Variants in FYB1 observed in about 807,000 individuals in gnomAD.
FYB1 encodes FYN binding protein 1.
Under a neutral mutation model 94.1 loss-of-function variants are expected in FYB1, and 41 were observed. The observed-to-expected ratio is 0.44, with a 90% CI of 0.34 to 0.57. The LOEUF is 0.57. FYB1 is among the 20% of genes least tolerant of loss of function. FYB1 has a pLI of 0.02. For synonymous variants in FYB1, 367 were observed against 353.2 expected (o/e 1.04, Z -0.44); for missense variants, 1,050 against 976.8 (o/e 1.07, Z -1.00).
intron 11 of FYB1, 47 bp downstream of exon 11, chr5:39,127,694 A>C (rs376001457): frequency 4.0e-6 from 6 of 1,510,552 alleles, no homozygotes; most frequent in Non-Finnish European, 5.3e-6. Context: ...CTAAATTTCA[A>C]TGTATATATA....
At chr5:39,147,697 CTTTTTTT>C (rs548956747) in intron 3 of FYB1, among the ~76,000 whole-genome samples, 1 of 125,466 alleles carries the variant, frequency 8.0e-6, no homozygotes, top group African/African-American at 2.9e-5. Flanking sequence ...TCCACCTTGT[CTTTTTTT>C]TTTTTTTTTT....
chr5:39,238,971 A>G (rs959089009), intron 1 of FYB1, among the ~76,000 whole-genome samples: 6 of 152,060 alleles, frequency 3.9e-5, no homozygotes, highest in African/African-American at 1.4e-4. Flanking sequence ...GTGTAAGTGG[A>G]TCACTCTAAA....
chr5:39,130,802 A>G (rs993211174), intron 9 of FYB1, among the ~76,000 whole-genome samples, 190 bp from the exon 10 acceptor site: 13 of 152,142 alleles, frequency 8.5e-5, no homozygotes, highest in Non-Finnish European at 1.0e-4. Context: ...CAACAAAACA[A>G]AACAAATAAA....
intron 6 of FYB1, 147 bp from the exon 7 acceptor site, chr5:39,137,867 A>C (rs1472540999): frequency 4.1e-6 from 4 of 980,692 alleles, no homozygotes; most frequent in Non-Finnish European, 4.4e-6. Flanking sequence ...AAAATCCGGA[A>C]TGTGTGAGAT....
At chr5:39,147,117 C>T (rs906828306) in intron 3 of FYB1, among the ~76,000 whole-genome samples, 3 of 152,092 alleles carry the variant, frequency 2.0e-5, no homozygotes, top group African/African-American at 7.2e-5. Context: ...TAGGTCTATT[C>T]AATAAGGCCT....
chr5:39,236,164 G>A (rs908266011), intron 1 of FYB1, among the ~76,000 whole-genome samples: 4 of 151,298 alleles, frequency 2.6e-5, no homozygotes, highest in East Asian at 3.9e-4. Flanking sequence ...AGGCTCAAAC[G>A]TGGGTTAATG....
In FYB1 at chr5:39,126,065, C is replaced by G. The variant is rs1242522816; in HGVS notation, c.1978G>C (p.Asp660His). The change falls in exon 12 of 19, where the codon GAT becomes CAT. Residue 660 changes from aspartate to histidine, a missense_variant. Coordinates refer to ENST00000512982, the MANE Select transcript of FYB1 (RefSeq NM_001465.6). ...TCTCGTATACTTTTCTTTCTGTCAT[C>G]TTTTCCCTTTAACATCTTCAAAATC... is the stretch of plus-strand genomic sequence containing the variant. ...WGILKMLKGK[D>H]DRKKSIREKP... 1 of 1,613,478 alleles carries G rather than the reference C, an allele frequency of 6.2e-7. No homozygotes were observed. Among genetic ancestry groups the G allele is most frequent in the Non-Finnish European group, 8.5e-7 (1 of 1,179,606 alleles).
chr5:39,220,251 TA>T (rs201358486), upstream of FYB1, among the ~76,000 whole-genome samples: 145 of 147,222 alleles, frequency 9.8e-4, no homozygotes, highest in African/African-American at 3.1e-3. Flanking sequence ...TCTACAAAAA[TA>T]AAAAAAAAAT....
intron 2 of FYB1, among the ~76,000 whole-genome samples, chr5:39,154,618 T>C (rs1199171201): frequency 6.6e-6 from 1 of 152,026 alleles, no homozygotes; most frequent in African/African-American, 2.4e-5. Flanking sequence ...GTGATTCTCC[T>C]GCCTCAGCCT....
chr5:39,250,399 G>A (rs1751665465), intron 1 of FYB1, among the ~76,000 whole-genome samples: 1 of 152,108 alleles, frequency 6.6e-6, no homozygotes, highest in African/African-American at 2.4e-5. Context: ...CAGAAATCGA[G>A]GAAAGACTAT....
chr5:39,263,289 G>T (rs1186933235), intron 1 of FYB1, among the ~76,000 whole-genome samples: 1 of 152,124 alleles, frequency 6.6e-6, no homozygotes, highest in African/African-American at 2.4e-5. Flanking sequence ...CCTCCTAGAT[G>T]CACTGATGTG....
chr5:39,151,782 G>A (rs1743274445), intron 3 of FYB1, among the ~76,000 whole-genome samples: 1 of 152,172 alleles, frequency 6.6e-6, no homozygotes, highest in Admixed American at 6.5e-5. Context: ...AGGGAGGAAC[G>A]TTTGCAGGTT....
intron 1 of FYB1, among the ~76,000 whole-genome samples, chr5:39,270,104 A>G (rs1333064009): frequency 1.3e-5 from 2 of 152,124 alleles, no homozygotes; most frequent in Non-Finnish European, 2.9e-5. Flanking sequence ...GCGTCTCTTA[A>G]TTAAAATAAA....
At position 39,127,743 on chromosome 5, in the gene FYB1, A is replaced by G. The variant is rs372627463; in HGVS notation, c.1905T>C (p.Asp635=). The change falls in exon 11 of 19, where the codon GAT becomes GAC. Residue 635 remains aspartate (D), a splice_region_variant and synonymous_variant. Coordinates refer to ENST00000512982, the MANE Select transcript of FYB1 (RefSeq NM_001465.6). The stretch of plus-strand genomic sequence containing the variant: ...AGCAGTTCACTGATTATTCTTACCC[A>G]TCATCAGCATCTTCCTCTTCAATCC... ...YDGIEEEDAD[D]GSTLQVQEKS... 85 of 1,601,044 alleles carry G rather than the reference A, an allele frequency of 5.3e-5. No homozygotes were observed. The highest frequency in any genetic ancestry group is 7.0e-5 in the Non-Finnish European group (82 of 1,174,092).
At chr5:39,238,052 G>T (rs1411085703) in intron 1 of FYB1, among the ~76,000 whole-genome samples, 1 of 151,954 alleles carries the variant, frequency 6.6e-6, no homozygotes, top group Non-Finnish European at 1.5e-5. Context: ...ATTCAGAATG[G>T]TTTATTGACC....
chr5:39,158,271 G>A (rs1434196704), intron 2 of FYB1, among the ~76,000 whole-genome samples: 1 of 152,238 alleles, frequency 6.6e-6, no homozygotes, highest in Non-Finnish European at 1.5e-5. Context: ...GCTCAGGCAT[G>A]CTGGAATGGG....
At chr5:39,158,579 C>A (rs1243779027) in intron 2 of FYB1, among the ~76,000 whole-genome samples, 2 of 152,178 alleles carry the variant, frequency 1.3e-5, no homozygotes, top group African/African-American at 4.8e-5. Context: ...ACAAACTTTG[C>A]ATTTTATGTA....
In FYB1 at chr5:39,126,153, A is replaced by T; in HGVS notation, c.1908-18T>A. On this transcript the variant is annotated intron_variant, in intron 11 of 18. Coordinates refer to ENST00000512982, the MANE Select transcript of FYB1 (RefSeq NM_001465.6). ...GTGTGGAGCTTTGGAGCATGCAGGC[A>T]TTGATCAGAATGTAATAATCAGCGG... The T allele has an allele frequency of 1.9e-6, 3 of 1,610,976 alleles. No homozygotes were observed. In the South Asian group the frequency reaches 3.3e-5, roughly 18 times the overall value.
intron 1 of FYB1, among the ~76,000 whole-genome samples, chr5:39,245,253 T>C (rs1428219990): frequency 6.6e-6 from 1 of 152,174 alleles, no homozygotes; most frequent in East Asian, 1.9e-4. Flanking sequence ...CAAAATGAGA[T>C]ATAGGGTCAA....
Sources: gnomAD v4.1 joint callset for allele counts (sites outside exome capture counted in the v4.1 genomes callset) on GRCh38, gnomAD v4.1.1 for gene constraint, MANE v1.5 for transcripts, NCBI Gene and HGNC (gene_info 2026-07-23, HGNC 2026-07-21) for gene names.